The following TRIP11 variants were observed in gnomAD, a reference collection of about 807,000 sequenced individuals.
TRIP11 encodes the protein thyroid receptor-interacting protein 11.
A neutral mutation model predicts 223.1 loss-of-function variants in TRIP11; 148 were observed. The observed-to-expected ratio is 0.66, with a 90% confidence interval of 0.58 to 0.76. The LOEUF is 0.76. TRIP11 is among the 30% of genes least tolerant of loss of function. TRIP11 has a pLI of 0.00. For missense variants in TRIP11, 2,043 were observed against 2,222.0 expected, an observed-to-expected ratio of 0.92 and a Z score of 1.62; for synonymous variants, 762 against 772.6, an observed-to-expected ratio of 0.99 and a Z score of 0.23.
At chr14:91,972,688 T>G in intron 20 of TRIP11, 29 bp downstream of exon 20, 1 of 1,585,602 alleles carries the variant, frequency 6.3e-7, no homozygotes, top group Non-Finnish European at 8.6e-7. Flanking sequence ...AATTTTCAAA[T>G]TATAGAAAAA....
Position 91,966,932 on chromosome 14 carries a change from T to G in TRIP11, c.*2741A>C, listed in dbSNP as rs1302083869. The G allele has an allele frequency of 9.6e-6, 2 of 209,052 alleles. No homozygotes were observed. The highest frequency in any genetic ancestry group is 4.6e-5 in the African/African-American group (2 of 43,890). 12.9% of individuals were successfully genotyped at this position (209,052 alleles called of 1,614,324 possible). A position where few individuals can be genotyped will look rare whatever the true frequency, so the allele number is the denominator to read the frequency against. On this transcript the variant is annotated 3_prime_UTR_variant, in exon 21 of 21. Coordinates refer to ENST00000267622, the MANE Select transcript of TRIP11 (RefSeq NM_004239.4). ...AAAATATTGCAGTTAAACGCACTGT[T>G]AGCAATGTCCTATTGCCAACATTAG...
At chr14:92,021,388 C>CAA (rs35038594) in intron 4 of TRIP11, among the ~76,000 whole-genome samples, 168 bp downstream of exon 4, 5 of 109,532 alleles carry the variant, frequency 4.6e-5, no homozygotes, top group Admixed American at 1.1e-4. Flanking sequence ...GATTCTGTCT[C>CAA]AAAAAAAAAA....
chr14:92,001,009 C>T (rs553619969), intron 11 of TRIP11, among the ~76,000 whole-genome samples: 43 of 151,994 alleles, frequency 2.8e-4, no homozygotes, highest in African/African-American at 1.0e-3. Flanking sequence ...TACAGGCATG[C>T]ACCACCACGT....
Position 91,978,581 on chromosome 14 carries a change from C to CT in TRIP11, c.5261-2393dup, listed in dbSNP as rs1309117802. Among the ~76,000 whole-genome samples the CT allele has an allele frequency of 6.6e-6, 1 of 152,116 alleles. No homozygotes were observed. Among genetic ancestry groups the CT allele is most frequent in the African/African-American group, 2.4e-5 (1 of 41,410 alleles). The stretch of plus-strand genomic sequence containing the variant: ...TGGCATGATCACAGCTCACTGCAGC[C>CT]TCAAACTCCTGGGGTCAAGCCATCC... On this transcript the variant is annotated intron_variant, in intron 16 of 20. Coordinates refer to ENST00000267622, the MANE Select transcript of TRIP11 (RefSeq NM_004239.4). The surrounding 1 kb of genome is among the most constrained non-coding windows in gnomAD (Gnocchi z 4.4).
At chr14:92,016,321 A>C (rs1311500051) in intron 5 of TRIP11, among the ~76,000 whole-genome samples, 1 of 152,108 alleles carries the variant, frequency 6.6e-6, no homozygotes, top group Admixed American at 6.5e-5. Flanking sequence ...AGTTGAGCCC[A>C]CTGTGTCTCT....
At position 92,005,729 on chromosome 14, in the gene TRIP11, T is replaced by G. The variant is rs1364617054; in HGVS notation, c.2247A>C (p.Ala749=). 3.7e-6 allele frequency: 6 copies of G among 1,613,942 alleles called. No individual in the cohort carries two copies. In the African/African-American group the frequency reaches 8.0e-5, roughly 22 times the overall value. Residue 749 remains alanine, a synonymous_variant, in exon 11 of 21, where the codon GCA becomes GCC. Transcript: ENST00000267622. ...YEKTIEELSN[A]RNLNTSALQL... ...GTAAGGCAGAGGTATTCAAATTACG[T>G]GCATTTGACAGTTCTTCAATGGTTT...
chr14:92,003,646 C>T lies in TRIP11; in HGVS notation c.4330G>A (p.Val1444Ile), dbSNP rs779575181. 6.2e-6 allele frequency: 10 copies of T among 1,614,138 alleles called. No individual in the cohort carries two copies. Among genetic ancestry groups the T allele is most frequent in the Admixed American group, 1.7e-5 (1 of 60,016 alleles). ...VNENELLRQA[V>I]TNLKERILIL... ...AATATTCTCTCCTTCAGGTTTGTTA[C>T]TGCCTGCCTCAAAAGTTCGTTTTCA... is the stretch of plus-strand genomic sequence containing the variant. The change falls in exon 11 of 21, where the codon GTA (valine) becomes ATA (isoleucine). Residue 1444 changes from valine (V) to isoleucine (I), a missense_variant. Transcript: ENST00000267622.
chr14:91,987,479 G>A (rs2056617879), intron 16 of TRIP11, among the ~76,000 whole-genome samples: 1 of 151,910 alleles, frequency 6.6e-6, no homozygotes, highest in African/African-American at 2.4e-5. Flanking sequence ...TTCTATTTTT[G>A]CTTATTTCTA....
rs2057335146 is a variant in TRIP11, at chr14:92,037,365, G to A, written c.139+2182C>T. On this transcript the variant is annotated intron_variant, in intron 1 of 20. Coordinates refer to ENST00000267622, the MANE Select transcript of TRIP11 (RefSeq NM_004239.4). This position sits in a 1 kb window ranked among gnomAD's most constrained non-coding sequence, Gnocchi z 4.2. ...AACAACTCAACCTGTGTGGGAGTCA[G>A]AATGGTTCACCAAGTACTTAAGTAC... 6.6e-6 allele frequency among the ~76,000 whole-genome samples: 1 copy of A among 152,248 alleles called. No homozygotes were observed. Among genetic ancestry groups the A allele is most frequent in the African/African-American group, 2.4e-5 (1 of 41,466 alleles).
chr14:92,039,605 A>C lies in TRIP11; in HGVS notation c.81T>G (p.Thr27=). The C allele has an allele frequency of 1.9e-6, 3 of 1,613,582 alleles. No homozygotes were observed. The highest frequency in any genetic ancestry group is 2.5e-6 in the Non-Finnish European group (3 of 1,179,812). The change falls in exon 1 of 21, where the codon ACT becomes ACG. Residue 27 remains threonine, a synonymous_variant. Transcript: ENST00000267622. Reference sequence around the variant, plus strand: ...CCTTTGTAAAGTTTGATATCTGGCCAGTGAGGGAAGCCAGGCTGCCCCCGA... The same window carrying C: ...CCTTTGTAAAGTTTGATATCTGGCCCGTGAGGGAAGCCAGGCTGCCCCCGA... ...GQVGGSLASL[T]GQISNFTKDM...
At chr14:92,006,581 T>TGATAGAAAAA in intron 10 of TRIP11, 133 bp from the exon 11 acceptor site, 1 of 1,060,258 alleles carries the variant, frequency 9.4e-7, no homozygotes, top group Non-Finnish European at 1.3e-6. Flanking sequence ...ACATTGTTTT[T>TGATAGAAAAA]CTATCAAAAA....
At chr14:92,027,311 TA>T (rs35526264) in intron 2 of TRIP11, among the ~76,000 whole-genome samples, 1 of 151,598 alleles carries the variant, frequency 6.6e-6, no homozygotes, top group African/African-American at 2.4e-5. Flanking sequence ...AAAAACCTTG[TA>T]AAAAAAGCAA....
At chr14:92,008,591 A>G (rs1328042083) in intron 9 of TRIP11, among the ~76,000 whole-genome samples, 1 of 152,180 alleles carries the variant, frequency 6.6e-6, no homozygotes, top group African/African-American at 2.4e-5. Flanking sequence ...ACAGTTCTCT[A>G]TGCTTCAACA....
chr14:91,977,399 C>T (rs1013044649), intron 16 of TRIP11, among the ~76,000 whole-genome samples: 1 of 152,132 alleles, frequency 6.6e-6, no homozygotes, highest in Non-Finnish European at 1.5e-5. Context: ...TTTAGGTCTA[C>T]CAGCCATTTT....
At chr14:91,996,855 G>C (rs2056757674) in intron 13 of TRIP11, among the ~76,000 whole-genome samples, 1 of 152,168 alleles carries the variant, frequency 6.6e-6, no homozygotes, top group Admixed American at 6.5e-5. Flanking sequence ...ACTCCAGAGA[G>C]TCCTAAGAGG....
Position 92,000,173 on chromosome 14 carries a change from T to C in TRIP11, c.4558-65A>G, listed in dbSNP as rs972640279. The C allele has an allele frequency of 1.0e-5, 16 of 1,602,548 alleles. No homozygotes were observed. The Admixed American group carries it at 1.3e-4, about 14-fold the overall frequency. On this transcript the variant is annotated intron_variant, in intron 11 of 20. Coordinates refer to ENST00000267622, the MANE Select transcript of TRIP11 (RefSeq NM_004239.4). ...CACACACATATTTTAAAAGAGACAT[T>C]TTCTTCACTCAATTATTAATTCATT...
intron 10 of TRIP11, 27 bp downstream of exon 10, chr14:92,007,613 G>A (rs2056921918): frequency 1.2e-6 from 2 of 1,605,212 alleles, no homozygotes; most frequent in Middle Eastern, 1.7e-4. Flanking sequence ...AGAATGTGCT[G>A]CCTTACTGTA....
Position 92,005,556 on chromosome 14 carries a change from G to C in TRIP11, c.2420C>G (p.Thr807Arg). 1 of 1,611,992 alleles carries C rather than the reference G, an allele frequency of 6.2e-7. No individual in the cohort carries two copies. Among genetic ancestry groups the C allele is most frequent in the Non-Finnish European group, 8.5e-7 (1 of 1,179,660 alleles). ...SSSLEEQKQL[T>R]QLINKKEIFI... ...AATTTCTTTCTTGTTTATAAGTTGTGTCAACTGCTTCTGCTCTTCTAAACT... is the reference window on the plus strand; with the variant it reads ...AATTTCTTTCTTGTTTATAAGTTGTCTCAACTGCTTCTGCTCTTCTAAACT... The change falls in exon 11 of 21, where the codon ACA becomes AGA. Residue 807 changes from threonine to arginine, a missense_variant. Thr to Arg is a moderately conservative substitution (Grantham distance 71). Transcript: ENST00000267622.
At chr14:91,992,866 G>A (rs769390608) in intron 15 of TRIP11, among the ~76,000 whole-genome samples, 41 of 126,876 alleles carry the variant, frequency 3.2e-4, no homozygotes, top group South Asian at 4.7e-4. Flanking sequence ...CCGAGATCGC[G>A]CTACTGCACT....
Sources: gnomAD v4.1 joint callset for allele counts (sites outside exome capture counted in the v4.1 genomes callset) on GRCh38, gnomAD v4.1.1 for gene constraint, Gnocchi (gnomAD v3.1) non-coding constraint, MANE v1.5 for transcripts, NCBI Gene and HGNC (gene_info 2026-07-23, HGNC 2026-07-21) for gene names.